CHST8: variants seen among roughly 807,000 people sequenced by gnomAD.
CHST8 encodes the protein GALNAC-4-ST1.
In CHST8, 10 loss-of-function variants were observed where a neutral mutation model predicts 15.0. The observed-to-expected ratio is 0.67, with a 90% CI of 0.41 to 1.13. CHST8 has a LOEUF of 1.13. CHST8 is among the 50% of genes most tolerant of loss of function. CHST8 has a pLI of 0.00. For synonymous variants in CHST8, 259 were observed against 256.6 expected (o/e 1.01, Z -0.09); for missense variants, 634 against 608.2 (o/e 1.04, Z -0.45).
chr19:33,649,211 CCTT>C (rs1468000546), intron 1 of CHST8, among the ~76,000 whole-genome samples: 2 of 152,086 alleles, frequency 1.3e-5, no homozygotes, highest in African/African-American at 4.8e-5. Flanking sequence ...GCCTGTCTAT[CCTT>C]CTGATCACAG....
intron 2 of CHST8, among the ~76,000 whole-genome samples, chr19:33,687,852 G>A (rs567803267): frequency 3.3e-5 from 5 of 152,184 alleles, no homozygotes; most frequent in Non-Finnish European, 5.9e-5. Flanking sequence ...GGAGTCACCC[G>A]GCTGAAGTAT....
chr19:33,769,614 C>T (rs1974927588), intron 3 of CHST8, among the ~76,000 whole-genome samples: 1 of 151,880 alleles, frequency 6.6e-6, no homozygotes, highest in African/African-American at 2.4e-5. Flanking sequence ...GAGGGGGTGG[C>T]TGTCAAGGAG....
In CHST8 at chr19:33,773,362, G is replaced by C. The variant is rs1975053575; in HGVS notation, c.*299G>C. On this transcript the variant is annotated 3_prime_UTR_variant, in exon 5 of 5. Coordinates refer to ENST00000650847, the MANE Select transcript of CHST8 (RefSeq NM_001127895.2). Reference sequence around the variant, plus strand: ...GATGAGCAGGGAAGTCTGAGGCCCAGAGGACGGGGGGCCCAGCGGTAAGGG... The same window carrying C: ...GATGAGCAGGGAAGTCTGAGGCCCACAGGACGGGGGGCCCAGCGGTAAGGG... 4.6e-6 allele frequency: 2 copies of C among 431,198 alleles called. No homozygotes were observed. The highest frequency in any genetic ancestry group is 7.9e-5 in the East Asian group (2 of 25,264). 26.7% of individuals were successfully genotyped at this position (431,198 alleles called of 1,614,324 possible). A position where few individuals can be genotyped will look rare whatever the true frequency, so the allele number is the denominator to read the frequency against.
intron 1 of CHST8, among the ~76,000 whole-genome samples, chr19:33,628,020 T>C (rs1031469710): frequency 5.9e-5 from 9 of 152,134 alleles, no homozygotes; most frequent in Admixed American, 2.0e-4. Flanking sequence ...TCAGGTACTA[T>C]GAGACCTACC....
chr19:33,766,533 T>G lies in CHST8; in HGVS notation c.131-4880T>G, dbSNP rs535981968. ...GCCTTTCTTGTGTGCACCTTAGGTGTGGGAGCTGCTTCTTCCTAATGGGGG... is the reference window on the plus strand; with the variant it reads ...GCCTTTCTTGTGTGCACCTTAGGTGGGGGAGCTGCTTCTTCCTAATGGGGG... On this transcript the variant is annotated intron_variant, in intron 3 of 4. Coordinates refer to ENST00000650847, the MANE Select transcript of CHST8 (RefSeq NM_001127895.2). Among the ~76,000 whole-genome samples, 6 of 152,204 alleles carry G rather than the reference T, an allele frequency of 3.9e-5. No individual in the cohort carries two copies. In the South Asian group the frequency reaches 1.2e-3, roughly 32 times the overall value.
At chr19:33,636,327 G>A (rs972296848) in intron 1 of CHST8, among the ~76,000 whole-genome samples, 5 of 152,192 alleles carry the variant, frequency 3.3e-5, no homozygotes, top group African/African-American at 1.2e-4. Flanking sequence ...CTCTTAGGAT[G>A]TGGAATATGA....
intron 3 of CHST8, among the ~76,000 whole-genome samples, chr19:33,712,736 T>A (rs1032129604): frequency 1.3e-5 from 2 of 152,248 alleles, no homozygotes; most frequent in Admixed American, 1.3e-4. Context: ...CCCTCTATCC[T>A]GAGTAGGGGC....
At chr19:33,633,267 A>G (rs948973467) in intron 1 of CHST8, among the ~76,000 whole-genome samples, 1 of 152,224 alleles carries the variant, frequency 6.6e-6, no homozygotes, top group Non-Finnish European at 1.5e-5. Flanking sequence ...ACAGGATTCC[A>G]TCATGTGGGT....
intron 3 of CHST8, among the ~76,000 whole-genome samples, chr19:33,712,149 A>G (rs1196958706): frequency 2.0e-5 from 3 of 152,104 alleles, no homozygotes; most frequent in Admixed American, 6.5e-5. Flanking sequence ...TGTGATGTAT[A>G]TTTTCTGGCC....
intron 3 of CHST8, among the ~76,000 whole-genome samples, chr19:33,708,862 G>A (rs6510394): frequency 0.27 from 41,645 of 152,086 alleles, 7,257 homozygotes; most frequent in African/African-American, 0.5. Flanking sequence ...ATCCATGAAC[G>A]TGGAATGTCT....
intron 3 of CHST8, among the ~76,000 whole-genome samples, chr19:33,754,144 AGTGTGCCCCCC>A (rs1974499254): frequency 7.3e-6 from 1 of 136,392 alleles, no homozygotes; most frequent in Admixed American, 7.6e-5. Context: ...ACCTGACATC[AGTGTGCCCCCC>A]GTGTGCATCT....
At chr19:33,771,886 G>A in intron 4 of CHST8, 71 bp from the exon 5 acceptor site, 2 of 1,499,510 alleles carry the variant, frequency 1.3e-6, no homozygotes, top group Non-Finnish European at 1.8e-6. Flanking sequence ...CGTGGTGAGA[G>A]CCTGACCTGT....
intron 3 of CHST8, among the ~76,000 whole-genome samples, chr19:33,729,427 C>T (rs1481578290): frequency 1.3e-5 from 2 of 152,226 alleles, no homozygotes; most frequent in Admixed American, 6.5e-5. Context: ...ACAGAAGTCA[C>T]AGCGCGTGTG....
intron 3 of CHST8, among the ~76,000 whole-genome samples, chr19:33,765,551 GTGTC>G (rs1388893531): frequency 1.0e-5 from 1 of 99,780 alleles, no homozygotes; most frequent in African/African-American, 4.2e-5. Context: ...GTGTGTGTGT[GTGTC>G]AGAGAGAGAG....
rs938746212 is a variant in CHST8, at chr19:33,632,125, G to C, written c.-164+9829G>C. 2.0e-5 allele frequency among the ~76,000 whole-genome samples: 3 copies of C among 148,528 alleles called. No individual in the cohort carries two copies. The South Asian group carries it at 6.4e-4, about 32-fold the overall frequency. ...CTCAAGTTCTGCTTTTTCTTTTCTT[G>C]TCTCTCTCTCTCTCTTTTTTTTTTT... On this transcript the variant is annotated intron_variant, in intron 1 of 4. Coordinates refer to ENST00000650847, the MANE Select transcript of CHST8 (RefSeq NM_001127895.2).
chr19:33,716,107 A>T lies in CHST8; in HGVS notation c.130+26716A>T, dbSNP rs552214255. On this transcript the variant is annotated intron_variant, in intron 3 of 4. Transcript: ENST00000650847. ...CCTCTTAACCTCTTTCCATATCGAG[A>T]CGGATTTTTTTCACCCATTTCAGTG... 1.0e-3 allele frequency among the ~76,000 whole-genome samples: 152 copies of T among 152,266 alleles called. 1 individual carries two copies. Among genetic ancestry groups the T allele is most frequent in the African/African-American group, 3.5e-3 (144 of 41,542 alleles).
At chr19:33,771,682 C>T (rs543532748) in intron 4 of CHST8, among the ~76,000 whole-genome samples, 4 of 152,296 alleles carry the variant, frequency 2.6e-5, no homozygotes, top group South Asian at 2.1e-4. Context: ...TCTGAGCCCG[C>T]CTGCAGGCCA....
chr19:33,650,518 CTTTTTTTTTTTTTT>C (rs869057036), intron 1 of CHST8, among the ~76,000 whole-genome samples: 2 of 36,070 alleles, frequency 5.5e-5, no homozygotes, highest in African/African-American at 1.3e-4. Context: ...TTTTTCTTTT[CTTTTTTTTTTTTTT>C]TTTTTTTTTT....
At chr19:33,654,942 C>G (rs926490849) in intron 1 of CHST8, among the ~76,000 whole-genome samples, 2 of 152,110 alleles carry the variant, frequency 1.3e-5, no homozygotes, top group African/African-American at 4.8e-5. Flanking sequence ...CTTTTCTTTC[C>G]TGAAGTTTAG....
Sources: gnomAD v4.1 joint callset for allele counts (sites outside exome capture counted in the v4.1 genomes callset) on GRCh38, gnomAD v4.1.1 for gene constraint, MANE v1.5 for transcripts, NCBI Gene and HGNC (gene_info 2026-07-23, HGNC 2026-07-21) for gene names.